IMMP2L: variants seen among roughly 807,000 people sequenced by gnomAD.
IMMP2L encodes the protein inner mitochondrial membrane peptidase subunit 2, also known as mitochondrial inner membrane protease subunit 2.
Under a neutral mutation model 19.3 loss-of-function variants are expected in IMMP2L, and 18 were observed. The ratio of observed to expected loss-of-function variants is 0.93; its 90% CI spans 0.64 to 1.38. The LOEUF is 1.38. IMMP2L is among the 40% of genes most tolerant of loss of function. The probability of loss-of-function intolerance (pLI) is 0.00; values close to 1 mark genes in which losing one functional copy is unlikely to be tolerated. For missense variants in IMMP2L, 233 were observed against 218.2 expected, an observed-to-expected ratio of 1.07 and a Z score of -0.43; for synonymous variants, 76 against 73.0, an observed-to-expected ratio of 1.04 and a Z score of -0.21.
At chr7:110,894,500 T>C (rs1811127529) in intron 4 of IMMP2L, among the ~76,000 whole-genome samples, 1 of 152,226 alleles carries the variant, frequency 6.6e-6, no homozygotes, top group African/African-American at 2.4e-5. Context: ...TCATGTTATC[T>C]GTCATTTGCA....
chr7:110,693,752 T>A (rs1208701460), intron 5 of IMMP2L, among the ~76,000 whole-genome samples: 1 of 152,042 alleles, frequency 6.6e-6, no homozygotes, highest in African/African-American at 2.4e-5. Flanking sequence ...GTGTCATGAG[T>A]TTGATGTAGG....
chr7:111,214,745 A>G (rs1318731450), intron 3 of IMMP2L, among the ~76,000 whole-genome samples: 3 of 151,468 alleles, frequency 2.0e-5, no homozygotes, highest in African/African-American at 7.3e-5. Context: ...AACAAACTCT[A>G]GTACATACTG....
chr7:111,124,008 C>T (rs746873893), intron 3 of IMMP2L: 1 of 1,614,088 alleles, frequency 6.2e-7, no homozygotes, highest in Non-Finnish European at 8.5e-7. Context: ...AAGTGCATTT[C>T]AGGGACATGA....
chr7:111,275,208 T>C lies in IMMP2L; in HGVS notation c.239+212030A>G, dbSNP rs143373473. Among the ~76,000 whole-genome samples the C allele has an allele frequency of 7.2e-5, 11 of 152,186 alleles. No homozygotes were observed. The South Asian group carries it at 8.3e-4, about 12-fold the overall frequency. On this transcript the variant is annotated intron_variant, in intron 3 of 5. Coordinates refer to ENST00000405709, the MANE Select transcript of IMMP2L (RefSeq NM_032549.4). ...GTGCCTGTAAGTCAATGAGACCACA[T>C]TGCCCACTCATAAGAGGTGGAGGGA...
At chr7:111,521,486 C>A in intron 1 of IMMP2L, 37 bp from the exon 2 acceptor site, 34 of 1,556,744 alleles carry the variant, frequency 2.2e-5, no homozygotes, top group Non-Finnish European at 2.7e-5. Flanking sequence ...AAATTAGTCT[C>A]AAGAAAGGTG....
At chr7:111,351,670 C>T (rs902646399) in intron 3 of IMMP2L, among the ~76,000 whole-genome samples, 4 of 152,038 alleles carry the variant, frequency 2.6e-5, no homozygotes, top group African/African-American at 9.7e-5. Context: ...AAATAAGTGG[C>T]TATAATGTGA....
intron 3 of IMMP2L, among the ~76,000 whole-genome samples, chr7:111,072,091 T>TG: frequency 6.6e-6 from 1 of 152,244 alleles, no homozygotes; most frequent in South Asian, 2.1e-4. Context: ...AACTCATTGT[T>TG]GGGAAAAAAA....
chr7:111,105,624 A>G (rs1167892683), intron 3 of IMMP2L, among the ~76,000 whole-genome samples: 1 of 151,902 alleles, frequency 6.6e-6, no homozygotes, highest in Non-Finnish European at 1.5e-5. Flanking sequence ...TACAACATGT[A>G]TTTTTGTTGT....
At chr7:111,206,098 A>T (rs1025004521) in intron 3 of IMMP2L, among the ~76,000 whole-genome samples, 1 of 152,154 alleles carries the variant, frequency 6.6e-6, no homozygotes, top group Admixed American at 6.5e-5. Flanking sequence ...GGCACACAAG[A>T]CTGCTTTAAA....
intron 3 of IMMP2L, among the ~76,000 whole-genome samples, chr7:110,988,113 T>A (rs541202888): frequency 6.6e-6 from 1 of 152,336 alleles, no homozygotes; most frequent in East Asian, 1.9e-4. Context: ...GGTTATATGA[T>A]AAAGCAGCCT....
rs1490779453 is a variant in IMMP2L at position 110,757,233 on chromosome 7, G to A, written c.409-93512C>T. On this transcript the variant is annotated intron_variant, in intron 5 of 5. Transcript: ENST00000405709. The surrounding 1 kb of genome is among the most constrained non-coding windows in gnomAD (Gnocchi z 4.2). ...TGAAATCAGGGCTGGCTTCACGGGT[G>A]TGCAATCTGGGGAGTCACTGAGGGA... 6.6e-6 allele frequency among the ~76,000 whole-genome samples: 1 copy of A among 152,032 alleles called. No homozygotes were observed. Among genetic ancestry groups the A allele is most frequent in the African/African-American group, 2.4e-5 (1 of 41,434 alleles).
intron 3 of IMMP2L, among the ~76,000 whole-genome samples, chr7:111,282,289 A>C (rs1005151499): frequency 1.3e-5 from 2 of 152,198 alleles, no homozygotes; most frequent in African/African-American, 4.8e-5. Flanking sequence ...AATGATCTTC[A>C]GAGCAGACAG....
At chr7:111,296,153 T>C (rs969266770) in intron 3 of IMMP2L, among the ~76,000 whole-genome samples, 1 of 151,784 alleles carries the variant, frequency 6.6e-6, no homozygotes, top group Admixed American at 6.6e-5. Context: ...GGGAGTAATA[T>C]CAAGATGTGA....
chr7:111,322,934 T>G (rs1349919597), intron 3 of IMMP2L, among the ~76,000 whole-genome samples: 1 of 151,874 alleles, frequency 6.6e-6, no homozygotes, highest in Non-Finnish European at 1.5e-5. Flanking sequence ...CATAATTTTT[T>G]TTTTACAAAA....
chr7:111,122,594 T>A (rs962650754), intron 3 of IMMP2L: 2 of 586,714 alleles, frequency 3.4e-6, no homozygotes, highest in East Asian at 5.6e-5. Flanking sequence ...CATGACATTT[T>A]TGGACAATGC....
intron 3 of IMMP2L, among the ~76,000 whole-genome samples, chr7:111,010,191 CCTTT>C (rs1824785568): frequency 6.6e-6 from 1 of 152,088 alleles, no homozygotes. Context: ...CATTCTGCTT[CCTTT>C]CTTAGTTATA....
At chr7:110,738,414 T>C (rs1032563797) in intron 5 of IMMP2L, among the ~76,000 whole-genome samples, 3 of 151,982 alleles carry the variant, frequency 2.0e-5, no homozygotes, top group Admixed American at 1.3e-4. Flanking sequence ...AAATGCAAAA[T>C]GCACTGGAAA....
intron 3 of IMMP2L, among the ~76,000 whole-genome samples, chr7:111,067,977 C>T (rs183433863): frequency 2.0e-4 from 31 of 152,212 alleles, no homozygotes; most frequent in Admixed American, 5.9e-4. Flanking sequence ...GAAGACTTAA[C>T]GCTTAGTAAT....
chr7:111,319,520 G>T (rs891567598), intron 3 of IMMP2L, among the ~76,000 whole-genome samples: 1 of 152,012 alleles, frequency 6.6e-6, no homozygotes, highest in African/African-American at 2.4e-5. Context: ...AGTCATAAGA[G>T]AATAGTAATC....
Sources: gnomAD v4.1 joint callset for allele counts (sites outside exome capture counted in the v4.1 genomes callset) on GRCh38, gnomAD v4.1.1 for gene constraint, Gnocchi (gnomAD v3.1) non-coding constraint, MANE v1.5 for transcripts, NCBI Gene and HGNC (gene_info 2026-07-23, HGNC 2026-07-21) for gene names.